THSD7A: variants seen among roughly 807,000 people sequenced by gnomAD.
The protein encoded by THSD7A is thrombospondin type-1 domain-containing protein 7A.
In THSD7A, 96 loss-of-function variants were observed where a neutral mutation model predicts 231.3. That is an observed-to-expected ratio of 0.41 (90% confidence interval 0.35 to 0.49). The LOEUF is 0.49. THSD7A is among the 20% of genes least tolerant of loss of function. The pLI, the probability that THSD7A is intolerant of heterozygous loss-of-function variation, is 0.05. For synonymous variants in THSD7A, 940 were observed against 743.3 expected (o/e 1.26, Z -4.30); for missense variants, 2,290 against 2,070.2 (o/e 1.11, Z -2.06).
chr7:11,808,519 A>T (rs1295316005), intron 1 of THSD7A, among the ~76,000 whole-genome samples: 2 of 151,802 alleles, frequency 1.3e-5, no homozygotes, highest in Non-Finnish European at 2.9e-5. Flanking sequence ...ATAGCAGCAC[A>T]AAATGAATTA....
At chr7:11,693,812 T>C (rs1482291169) in intron 1 of THSD7A, among the ~76,000 whole-genome samples, 1 of 151,542 alleles carries the variant, frequency 6.6e-6, no homozygotes, top group Non-Finnish European at 1.5e-5. Flanking sequence ...GTTCCGATGA[T>C]CTAGAGCATG....
chr7:11,531,133 G>T (rs1357563760), intron 6 of THSD7A, among the ~76,000 whole-genome samples: 1 of 152,120 alleles, frequency 6.6e-6, no homozygotes, highest in African/African-American at 2.4e-5. Context: ...CTGATTCAAG[G>T]ATTCCAACAT....
chr7:11,395,677 G>A (rs573011877), intron 23 of THSD7A, among the ~76,000 whole-genome samples: 6 of 151,950 alleles, frequency 3.9e-5, no homozygotes, highest in East Asian at 3.9e-4. Flanking sequence ...ACAGGCACCC[G>A]CCACCATGTC....
chr7:11,737,379 C>T (rs1352837643), intron 1 of THSD7A, among the ~76,000 whole-genome samples: 1 of 151,878 alleles, frequency 6.6e-6, no homozygotes, highest in Non-Finnish European at 1.5e-5. Flanking sequence ...CTTAGCCAGG[C>T]TTGATGTGTG....
intron 1 of THSD7A, among the ~76,000 whole-genome samples, chr7:11,807,980 G>A (rs901984282): frequency 2.0e-5 from 3 of 151,858 alleles, no homozygotes; most frequent in South Asian, 2.1e-4. Context: ...ACTCACTCCC[G>A]TACCTGTCTT....
chr7:11,760,246 C>G (rs1475935965), intron 1 of THSD7A, among the ~76,000 whole-genome samples: 4 of 151,838 alleles, frequency 2.6e-5, no homozygotes, highest in Admixed American at 2.0e-4. Flanking sequence ...TAGATGGATA[C>G]AAGTAAAGTT....
Position 11,527,627 on chromosome 7 carries a change from G to A in THSD7A, c.1822+13792C>T, listed in dbSNP as rs187827055. On this transcript the variant is annotated intron_variant, in intron 6 of 27. Transcript: ENST00000423059. ...AAAGCCACGTTAGATCCTTCCTTTA[G>A]TATAATCTAGGGGTTTTGCAAATGT... 3.8e-3 allele frequency among the ~76,000 whole-genome samples: 532 copies of A among 139,412 alleles called. 1 individual carries two copies. The highest frequency in any genetic ancestry group is 0.012 in the African/African-American group (511 of 41,218). 91.5% of individuals were successfully genotyped at this position (139,412 alleles called of 152,430 possible). A position where few individuals can be genotyped will look rare whatever the true frequency, so the allele number is the denominator to read the frequency against.
intron 4 of THSD7A, among the ~76,000 whole-genome samples, chr7:11,554,279 A>G (rs1789751068): frequency 6.6e-6 from 1 of 152,156 alleles, no homozygotes; most frequent in Admixed American, 6.6e-5. Context: ...TCCTTATGAG[A>G]AGGCCATGTG....
At chr7:11,729,853 T>G (rs1302021457) in intron 1 of THSD7A, among the ~76,000 whole-genome samples, 1 of 151,764 alleles carries the variant, frequency 6.6e-6, no homozygotes, top group African/African-American at 2.4e-5. Flanking sequence ...GAAACAAAAT[T>G]TTTTCACTTG....
chr7:11,479,521 G>A (rs1045463440), intron 7 of THSD7A, among the ~76,000 whole-genome samples: 1 of 152,122 alleles, frequency 6.6e-6, no homozygotes, highest in African/African-American at 2.4e-5. Context: ...AAGAATAATG[G>A]AAAGACTGAC....
At chr7:11,379,458 A>G (rs923133530) in intron 25 of THSD7A, 172 bp downstream of exon 25, 7 of 864,118 alleles carry the variant, frequency 8.1e-6, no homozygotes, top group Admixed American at 5.6e-5. Context: ...AATGTATTCT[A>G]AAGGTGAAAG....
chr7:11,626,439 T>C (rs1015397841), intron 2 of THSD7A, among the ~76,000 whole-genome samples: 9 of 152,222 alleles, frequency 5.9e-5, no homozygotes, highest in African/African-American at 1.9e-4. Flanking sequence ...ACCCCAATAA[T>C]GTGATTTTAA....
intron 2 of THSD7A, among the ~76,000 whole-genome samples, chr7:11,617,664 G>A (rs1043478838): frequency 1.3e-5 from 2 of 152,116 alleles, no homozygotes; most frequent in Admixed American, 1.3e-4. Context: ...TTGTTGTTAC[G>A]TTAGATTTAC....
At chr7:11,718,602 C>G (rs1313862981) in intron 1 of THSD7A, among the ~76,000 whole-genome samples, 1 of 151,644 alleles carries the variant, frequency 6.6e-6, no homozygotes, top group Non-Finnish European at 1.5e-5. Flanking sequence ...AATCATCAAT[C>G]TCTGACTAAA....
intron 1 of THSD7A, among the ~76,000 whole-genome samples, chr7:11,726,967 T>C (rs1781568678): frequency 6.6e-6 from 1 of 151,966 alleles, no homozygotes; most frequent in African/African-American, 2.4e-5. Flanking sequence ...GCAAGGCTGC[T>C]GGAGCTCTGA....
intron 16 of THSD7A, among the ~76,000 whole-genome samples, chr7:11,422,565 G>A (rs1353440419): frequency 7.9e-6 from 1 of 126,358 alleles, no homozygotes; most frequent in East Asian, 2.4e-4. Context: ...TTTAGAATGT[G>A]TTTGGAAATG....
chr7:11,820,738 A>C, intron 1 of THSD7A: 1 of 1,185,642 alleles, frequency 8.4e-7, no homozygotes, highest in Non-Finnish European at 1.3e-6. Flanking sequence ...CTGTCTCTTC[A>C]GTGTACTCTT....
intron 1 of THSD7A, among the ~76,000 whole-genome samples, chr7:11,719,789 T>C (rs1456033173): frequency 6.6e-6 from 1 of 151,746 alleles, no homozygotes; most frequent in Admixed American, 6.6e-5. Context: ...AACAGGGCCT[T>C]ATAGATCAAT....
In THSD7A at chr7:11,590,476, G is replaced by A. The variant is rs746548102; in HGVS notation, c.1437C>T (p.Thr479=). 2.0e-5 allele frequency: 32 copies of A among 1,611,346 alleles called. No individual in the cohort carries two copies. Among genetic ancestry groups the A allele is most frequent in the South Asian group, 4.4e-5 (4 of 90,680 alleles). ...ANENLLSQLS[T]HKNKEASKPM... is the part of the protein sequence containing the mutation. ...AAAGGTTACCTTCTTTGTTCTTGTG[G>A]GTACTTAATTGTGAGAGGAGGTTTT... The change falls in exon 4 of 28, where the codon ACC becomes ACT. Residue 479 remains threonine (T), a synonymous_variant. Transcript: ENST00000423059. This position sits in a 1 kb window ranked among gnomAD's most constrained non-coding sequence, Gnocchi z 4.4.
Sources: gnomAD v4.1 joint callset for allele counts (sites outside exome capture counted in the v4.1 genomes callset) on GRCh38, gnomAD v4.1.1 for gene constraint, Gnocchi (gnomAD v3.1) non-coding constraint, MANE v1.5 for transcripts, NCBI Gene and HGNC (gene_info 2026-07-23, HGNC 2026-07-21) for gene names.